DYNLT2B: variants seen among roughly 807,000 people sequenced by gnomAD.
DYNLT2B encodes dynein light chain Tctex-type 2B, also known as dynein light chain Tctex-type protein 2B.
DYNLT2B carries 14 observed loss-of-function variants against 19.5 expected under a neutral mutation model. The ratio of observed to expected loss-of-function variants is 0.72; its 90% CI spans 0.47 to 1.12. DYNLT2B has a LOEUF of 1.12. Among genes scored for constraint, DYNLT2B ranks in the 50% most tolerant of loss-of-function variants. DYNLT2B has a pLI of 0.00. For synonymous variants in DYNLT2B, 70 were observed against 59.7 expected, an observed-to-expected ratio of 1.17 and a Z score of -0.79; for missense variants, 133 against 174.7, an observed-to-expected ratio of 0.76 and a Z score of 1.35.
At chr3:196,298,627 A>G (rs1243911114) in intron 3 of DYNLT2B, among the ~76,000 whole-genome samples, 2 of 151,724 alleles carry the variant, frequency 1.3e-5, no homozygotes, top group African/African-American at 4.8e-5. Flanking sequence ...TACAGTTTGT[A>G]GCAGGCTAAT....
At chr3:196,316,809 T>G (rs1218316049) in intron 1 of DYNLT2B, among the ~76,000 whole-genome samples, 8 of 151,954 alleles carry the variant, frequency 5.3e-5, no homozygotes, top group South Asian at 2.1e-4. Flanking sequence ...ATATGGGGTG[T>G]GTGTGTGTGT....
chr3:196,293,527 G>A (rs1387734548), intron 4 of DYNLT2B, among the ~76,000 whole-genome samples: 2 of 151,834 alleles, frequency 1.3e-5, no homozygotes, highest in African/African-American at 4.8e-5. Flanking sequence ...TCGGGAGGCT[G>A]GGGCAGGAGA....
intron 1 of DYNLT2B, 42 bp downstream of exon 1, chr3:196,317,998 G>C (rs1726931527): frequency 6.1e-6 from 8 of 1,302,992 alleles, no homozygotes; most frequent in African/African-American, 1.5e-5. Flanking sequence ...CCTCAGACCA[G>C]CGCGCTCGAG....
intron 2 of DYNLT2B, among the ~76,000 whole-genome samples, chr3:196,308,429 C>T (rs572406272): frequency 9.9e-5 from 15 of 152,208 alleles, no homozygotes; most frequent in Admixed American, 2.6e-4. Context: ...CAGAGCAAAA[C>T]GAGGTGATCC....
At chr3:196,316,035 G>A (rs1395835828) in intron 2 of DYNLT2B, 63 bp downstream of exon 2, 4 of 1,555,342 alleles carry the variant, frequency 2.6e-6, no homozygotes, top group Middle Eastern at 2.0e-4. Context: ...ATGGAGAGGG[G>A]GCAAATGGGT....
At chr3:196,295,657 A>G (rs545483411) in intron 4 of DYNLT2B, among the ~76,000 whole-genome samples, 1 of 152,360 alleles carries the variant, frequency 6.6e-6, no homozygotes, top group South Asian at 2.1e-4. Context: ...TTAGTTATAA[A>G]TTATTACTTT....
chr3:196,299,013 G>A (rs1445598901), intron 3 of DYNLT2B, among the ~76,000 whole-genome samples: 3 of 151,832 alleles, frequency 2.0e-5, no homozygotes, highest in African/African-American at 7.3e-5. Flanking sequence ...CCCAGGCCAA[G>A]CACTTCTCAT....
At chr3:196,301,066 G>GA (rs141459379) in intron 3 of DYNLT2B, among the ~76,000 whole-genome samples, 7 of 140,908 alleles carry the variant, frequency 5.0e-5, no homozygotes, top group African/African-American at 1.6e-4. Flanking sequence ...TCTCAAAAAA[G>GA]AAAAAAAAAA....
At chr3:196,317,932 G>T in intron 1 of DYNLT2B, 108 bp downstream of exon 1, 1 of 515,724 alleles carries the variant, frequency 1.9e-6, no homozygotes, top group South Asian at 8.3e-5. Flanking sequence ...CCGCCCCGCG[G>T]ACCCCGCGCG....
chr3:196,291,408 G>A, intron 4 of DYNLT2B, 34 bp from the exon 5 acceptor site: 2 of 1,592,068 alleles, frequency 1.3e-6, no homozygotes, highest in Non-Finnish European at 1.7e-6. Flanking sequence ...CACACATCCA[G>A]AATGTTAGTA....
chr3:196,296,648 G>A (rs1726229742), intron 3 of DYNLT2B, among the ~76,000 whole-genome samples: 1 of 152,106 alleles, frequency 6.6e-6, no homozygotes, highest in African/African-American at 2.4e-5. Context: ...CAATAGGACT[G>A]GATTGGTAAA....
chr3:196,315,947 T>C (rs1726779010), intron 2 of DYNLT2B, 151 bp downstream of exon 2: 3 of 767,684 alleles, frequency 3.9e-6, no homozygotes, highest in Non-Finnish European at 4.0e-6. Flanking sequence ...TCAAGCAATC[T>C]TCCTGCCTTG....
chr3:196,304,238 T>C (rs376672022), intron 3 of DYNLT2B, among the ~76,000 whole-genome samples: 9 of 152,070 alleles, frequency 5.9e-5, no homozygotes, highest in African/African-American at 1.2e-4. Flanking sequence ...GTTCAAGCAA[T>C]TCTCCTGCCT....
intron 1 of DYNLT2B, among the ~76,000 whole-genome samples, chr3:196,317,788 C>T (rs1726918655): frequency 6.6e-6 from 1 of 152,196 alleles, no homozygotes; most frequent in Non-Finnish European, 1.5e-5. Context: ...CAACCATTCC[C>T]GCCGCGCCAC....
intron 4 of DYNLT2B, among the ~76,000 whole-genome samples, chr3:196,294,821 C>G (rs929807319): frequency 6.6e-6 from 1 of 151,912 alleles, no homozygotes; most frequent in Non-Finnish European, 1.5e-5. Context: ...CTGGAACCTC[C>G]GCCACCAGGT....
intron 3 of DYNLT2B, among the ~76,000 whole-genome samples, chr3:196,304,803 T>G (rs555091162): frequency 1.2e-4 from 18 of 152,154 alleles, no homozygotes; most frequent in African/African-American, 3.1e-4. Flanking sequence ...CCATCTTAAA[T>G]TGAATAATAA....
intron 3 of DYNLT2B, among the ~76,000 whole-genome samples, chr3:196,303,247 A>G (rs983939025): frequency 6.6e-6 from 1 of 152,008 alleles, no homozygotes; most frequent in Non-Finnish European, 1.5e-5. Flanking sequence ...AGCTGTCCTT[A>G]AAAACTCTGC....
chr3:196,299,458 G>A (rs138641557), intron 3 of DYNLT2B, among the ~76,000 whole-genome samples: 8 of 152,100 alleles, frequency 5.3e-5, no homozygotes, highest in African/African-American at 1.9e-4. Flanking sequence ...CCTGAGCTCA[G>A]GCAATCTGCC....
At chr3:196,312,764 T>C (rs919969447) in intron 2 of DYNLT2B, among the ~76,000 whole-genome samples, 1 of 152,132 alleles carries the variant, frequency 6.6e-6, no homozygotes, top group African/African-American at 2.4e-5. Flanking sequence ...TGGCCCATAG[T>C]ATATTCTACT....
Sources: allele counts gnomAD v4.1 joint callset (sites outside exome capture counted in the v4.1 genomes callset), GRCh38; gene constraint gnomAD v4.1.1; transcripts MANE v1.5; gene names NCBI Gene and HGNC (gene_info 2026-07-23, HGNC 2026-07-21).